Variants in DDX60 observed in about 807,000 individuals in gnomAD.
DDX60 encodes probable ATP-dependent RNA helicase DDX60.
In DDX60, 165 loss-of-function variants were observed where a neutral mutation model predicts 212.8. The ratio of observed to expected loss-of-function variants is 0.78; its 90% CI spans 0.68 to 0.88. The LOEUF (loss-of-function observed/expected upper bound fraction) is 0.88, where lower values mean the gene tolerates loss of function less well. Among genes scored for constraint, DDX60 ranks in the 40% least tolerant of loss-of-function variants. The pLI is 0.00. For missense variants in DDX60, 1,905 were observed against 2,003.9 expected (o/e 0.95, Z 0.94); for synonymous variants, 703 against 685.3 (o/e 1.03, Z -0.40).
rs1398879576 is a variant in DDX60, at chr4:168,272,075, C to T, written c.2638G>A (p.Val880Met). 1 of 1,587,094 alleles carries T rather than the reference C, an allele frequency of 6.3e-7. No homozygotes were observed. The highest frequency in any genetic ancestry group is 1.7e-5 in the Admixed American group (1 of 57,272). ...AATATAACATATCTGATCTTTTTCA[C>T]CCAGTTTTGGCGATGAGGAGCAAGC... ...LLLAPHRQNW[V>M]KKIRYVIFDE... The change falls in exon 19 of 38, where the codon GTG becomes ATG. Residue 880 changes from valine (V) to methionine (M), a missense_variant. Val to Met is a conservative substitution (Grantham distance 21). Transcript: ENST00000393743.
At position 168,287,939 on chromosome 4, in the gene DDX60, C is replaced by T. The variant is rs576419943; in HGVS notation, c.1183+235G>A. ...TGAAATTAACTGAAAATGCTGGACACGCAAACATATATTTTCTCCTGAAAT... is the reference window on the plus strand; with the variant it reads ...TGAAATTAACTGAAAATGCTGGACATGCAAACATATATTTTCTCCTGAAAT... On this transcript the variant is annotated intron_variant, in intron 9 of 37. Transcript: ENST00000393743. Among the ~76,000 whole-genome samples, 14 of 152,090 alleles carry T rather than the reference C, an allele frequency of 9.2e-5. 1 individual carries two copies. The highest frequency in any genetic ancestry group is 4.2e-4 in the South Asian group (2 of 4,816).
intron 10 of DDX60, among the ~76,000 whole-genome samples, chr4:168,285,969 TGAAAGAAAGAAA>T (rs149956197): frequency 0.42 from 46,497 of 110,578 alleles, 8,870 homozygotes; most frequent in African/African-American, 0.5. Context: ...AAGGAAAGAA[TGAAAGAAAGAAA>T]GAAAGAAAGA....
At chr4:168,270,875 C>CTTTTTTTTTTTTTTTTTTTTTTT (rs759054592) in intron 19 of DDX60, among the ~76,000 whole-genome samples, 1 of 110,880 alleles carries the variant, frequency 9.0e-6, no homozygotes, top group Non-Finnish European at 1.8e-5. Context: ...TTCTTTCTTT[C>CTTTTTTTTTTTTTTTTTTTTTTT]TTTTTTTTTT....
intron 30 of DDX60, among the ~76,000 whole-genome samples, chr4:168,246,207 C>T (rs574642784): frequency 6.6e-6 from 1 of 152,246 alleles, no homozygotes; most frequent in Admixed American, 6.5e-5. Flanking sequence ...AGTGCCCATC[C>T]AGCCACAAAT....
In DDX60 at chr4:168,302,293, T is replaced by C; in HGVS notation, c.723+7A>G. Reference sequence around the variant, plus strand: ...CAAATACAAAGCTTTTTAAAATGTTTTGTTACCTCTTCCGTAATATTATTC... The same window carrying C: ...CAAATACAAAGCTTTTTAAAATGTTCTGTTACCTCTTCCGTAATATTATTC... On this transcript the variant is annotated splice_region_variant and intron_variant, in intron 6 of 37. Transcript: ENST00000393743. 1 of 1,420,510 alleles carries C rather than the reference T, an allele frequency of 7.0e-7. No individual in the cohort carries two copies. The highest frequency in any genetic ancestry group is 9.6e-7 in the Non-Finnish European group (1 of 1,042,446). The allele number at this position is 1,420,510 out of a possible 1,614,324, so 88.0% of individuals were successfully genotyped here.
At chr4:168,289,891 A>T (rs1040042284) in intron 8 of DDX60, among the ~76,000 whole-genome samples, 1 of 152,080 alleles carries the variant, frequency 6.6e-6, no homozygotes, top group Non-Finnish European at 1.5e-5. Flanking sequence ...CACCATCAAC[A>T]CTTACATGAC....
intron 30 of DDX60, among the ~76,000 whole-genome samples, chr4:168,239,416 G>A (rs1321625542): frequency 8.0e-6 from 1 of 124,564 alleles, no homozygotes; most frequent in African/African-American, 3.1e-5. Flanking sequence ...ATAGATAGAG[G>A]TAGGTAGATG....
chr4:168,300,683 G>A (rs1349984925), intron 6 of DDX60, among the ~76,000 whole-genome samples: 2 of 151,890 alleles, frequency 1.3e-5, no homozygotes, highest in Non-Finnish European at 2.9e-5. Context: ...GAAATAGGTG[G>A]GAGGGACCAA....
rs1474008414 is a variant in DDX60, at chr4:168,260,152, A to T, written c.3398+713T>A. ...AATTATACTTTAAGTTCTAGGGTACATGTGCACAATGTGCAGGTTTGTTAC... is the reference window on the plus strand; with the variant it reads ...AATTATACTTTAAGTTCTAGGGTACTTGTGCACAATGTGCAGGTTTGTTAC... On this transcript the variant is annotated intron_variant, in intron 25 of 37. Coordinates refer to ENST00000393743, the MANE Select transcript of DDX60 (RefSeq NM_017631.6). 3.3e-5 allele frequency among the ~76,000 whole-genome samples: 5 copies of T among 152,118 alleles called. No homozygotes were observed. In the South Asian group the frequency reaches 6.2e-4, roughly 19 times the overall value.
intron 25 of DDX60, among the ~76,000 whole-genome samples, chr4:168,260,292 G>A (rs1479309623): frequency 1.3e-5 from 2 of 152,082 alleles, no homozygotes. Flanking sequence ...AGGCCCCGGT[G>A]TGTGATGTTC....
In DDX60 at chr4:168,237,426, C is replaced by T; in HGVS notation, c.4271G>A (p.Gly1424Asp). The change falls in exon 32 of 38, where the codon GGC (glycine) becomes GAC (aspartate). Residue 1424 changes from glycine to aspartate, a missense_variant and splice_region_variant. Transcript: ENST00000393743. ...LFSLQFLVKE[G>D]YLDQEGNPMG... ...AGGATTACCTTCTTGATCTAAATAGCCCTAAAGAACAAAAAACAATTTATT... is the reference window on the plus strand; with the variant it reads ...AGGATTACCTTCTTGATCTAAATAGTCCTAAAGAACAAAAAACAATTTATT... The T allele has an allele frequency of 6.4e-7, 1 of 1,554,580 alleles. No individual in the cohort carries two copies. Among genetic ancestry groups the T allele is most frequent in the Non-Finnish European group, 8.6e-7 (1 of 1,156,846 alleles).
chr4:168,266,464 C>T (rs774181232), intron 22 of DDX60, among the ~76,000 whole-genome samples: 3 of 152,000 alleles, frequency 2.0e-5, no homozygotes, highest in Non-Finnish European at 4.4e-5. Flanking sequence ...TGGCTGGTGT[C>T]GTATTAGAAA....
intron 29 of DDX60, 27 bp from the exon 30 acceptor site, chr4:168,246,645 A>G: frequency 6.2e-7 from 1 of 1,611,154 alleles, no homozygotes; most frequent in Non-Finnish European, 8.5e-7. Context: ...ATTACAATGT[A>G]AAACTTCCCT....
At chr4:168,262,643 C>T in intron 23 of DDX60, 40 bp downstream of exon 23, 1 of 1,335,434 alleles carries the variant, frequency 7.5e-7, no homozygotes, top group African/African-American at 1.5e-5. Flanking sequence ...TCAATATTAT[C>T]ATCCTCTATA....
Position 168,287,187 on chromosome 4 carries a change from C to G in DDX60, c.1200G>C (p.Leu400Phe). The G allele has an allele frequency of 6.2e-7, 1 of 1,607,448 alleles. No individual in the cohort carries two copies. The highest frequency in any genetic ancestry group is 8.5e-7 in the Non-Finnish European group (1 of 1,177,010). ...CATAATCTTTCATAATGGTATCTCC[C>G]AAATTCAAATGTAGGCCTACATAAC... is the stretch of plus-strand genomic sequence containing the variant. ...NENVKGLHLN[L>F]GDTIMKDYEY... is the part of the protein sequence containing the mutation. The change falls in exon 10 of 38, where the codon TTG becomes TTC. Residue 400 changes from leucine (L) to phenylalanine (F), a missense_variant. Transcript: ENST00000393743.
chr4:168,277,051 G>A (rs1735371908), intron 14 of DDX60, among the ~76,000 whole-genome samples: 1 of 152,164 alleles, frequency 6.6e-6, no homozygotes, highest in African/African-American at 2.4e-5. Context: ...GATCAACTAG[G>A]TTTGCTCAGA....
chr4:168,292,049 CTTTT>C (rs772095573), intron 7 of DDX60, 143 bp from the exon 8 acceptor site: 490 of 302,680 alleles, frequency 1.6e-3, no homozygotes, highest in Middle Eastern at 2.7e-3. Context: ...TTCTTTCTTT[CTTTT>C]TTTTTTTTTT....
At chr4:168,314,745 T>C (rs1265376041) in intron 1 of DDX60, among the ~76,000 whole-genome samples, 1 of 152,194 alleles carries the variant, frequency 6.6e-6, no homozygotes, top group East Asian at 1.9e-4. Context: ...CCCCTACTAA[T>C]ATTTCTAGTA....
intron 8 of DDX60, among the ~76,000 whole-genome samples, chr4:168,290,988 A>G (rs1477356928): frequency 6.6e-6 from 1 of 152,138 alleles, no homozygotes; most frequent in African/African-American, 2.4e-5. Context: ...CTTTAATCCC[A>G]TTTCTAGCTC....
Sources: allele counts gnomAD v4.1 joint callset (sites outside exome capture counted in the v4.1 genomes callset), GRCh38; gene constraint gnomAD v4.1.1; transcripts MANE v1.5; gene names NCBI Gene and HGNC (gene_info 2026-07-23, HGNC 2026-07-21).